Variants in PTPRD observed in about 807,000 individuals in gnomAD.
PTPRD encodes the protein receptor-type tyrosine-protein phosphatase delta.
In PTPRD, 34 loss-of-function variants were observed where a neutral mutation model predicts 214.5. The observed-to-expected ratio is 0.16, with a 90% CI of 0.12 to 0.21. The LOEUF is 0.21. PTPRD is among the 10% of genes least tolerant of loss of function. PTPRD has a pLI of 1.00. For missense variants in PTPRD, 2,545 were observed against 2,398.7 expected (o/e 1.06, Z -1.27); for synonymous variants, 1,128 against 845.7 (o/e 1.33, Z -5.79).
chr9:9,383,954 T>C (rs2063085024), intron 9 of PTPRD, among the ~76,000 whole-genome samples: 1 of 152,000 alleles, frequency 6.6e-6, no homozygotes. Flanking sequence ...TATCTAACCC[T>C]GCTCAGTATA....
intron 3 of PTPRD, among the ~76,000 whole-genome samples, chr9:10,169,672 C>A (rs2099188327): frequency 6.6e-6 from 1 of 151,864 alleles, no homozygotes. Flanking sequence ...GCTTTTTGAC[C>A]AACTTCTACA....
intron 14 of PTPRD, among the ~76,000 whole-genome samples, chr9:8,587,552 A>G (rs1322065555): frequency 6.6e-6 from 1 of 152,240 alleles, no homozygotes; most frequent in African/African-American, 2.4e-5. Context: ...AACCTTCTAT[A>G]TAATATTCCT....
intron 9 of PTPRD, among the ~76,000 whole-genome samples, chr9:9,262,012 C>T (rs947123555): frequency 1.3e-5 from 2 of 151,606 alleles, no homozygotes; most frequent in Non-Finnish European, 2.9e-5. Flanking sequence ...GATTATAGAA[C>T]TCTACAAAGC....
chr9:8,350,354 A>G (rs1243525640), intron 39 of PTPRD, among the ~76,000 whole-genome samples: 8 of 152,188 alleles, frequency 5.3e-5, no homozygotes, highest in Non-Finnish European at 1.2e-4. Flanking sequence ...GGGTGCCAAG[A>G]CAGTAAAATA....
intron 9 of PTPRD, among the ~76,000 whole-genome samples, chr9:9,362,739 C>T (rs1196385984): frequency 1.3e-5 from 2 of 151,188 alleles, no homozygotes; most frequent in East Asian, 1.9e-4. Context: ...CTTTTGAAGT[C>T]TATTAACTAG....
intron 5 of PTPRD, among the ~76,000 whole-genome samples, chr9:9,914,711 C>T (rs2080200234): frequency 6.7e-6 from 1 of 150,130 alleles, no homozygotes; most frequent in African/African-American, 2.5e-5. Context: ...GAAAAACATC[C>T]CCATACATAA....
At chr9:9,343,433 G>C (rs145281568) in intron 9 of PTPRD, among the ~76,000 whole-genome samples, 1 of 152,050 alleles carries the variant, frequency 6.6e-6, no homozygotes, top group African/African-American at 2.4e-5. Context: ...GGTGTGAGTG[G>C]TATCTCACTG....
At chr9:10,368,405 T>C (rs1043595619) in intron 2 of PTPRD, among the ~76,000 whole-genome samples, 1 of 152,134 alleles carries the variant, frequency 6.6e-6, no homozygotes, top group African/African-American at 2.4e-5. Flanking sequence ...TCTATTTTTG[T>C]TCTAAGTTCA....
chr9:9,321,598 C>A (rs2382001), intron 9 of PTPRD, among the ~76,000 whole-genome samples: 1 of 150,974 alleles, frequency 6.6e-6, no homozygotes, highest in African/African-American at 2.4e-5. Flanking sequence ...GCCATGTATG[C>A]ATATCTGATT....
chr9:8,583,974 A>G (rs2093415676), intron 14 of PTPRD, among the ~76,000 whole-genome samples: 1 of 152,124 alleles, frequency 6.6e-6, no homozygotes, highest in Non-Finnish European at 1.5e-5. Flanking sequence ...CAACATCACA[A>G]AACCCCATCT....
chr9:9,726,233 C>T (rs4490896), intron 7 of PTPRD, among the ~76,000 whole-genome samples: 6,074 of 152,192 alleles, frequency 0.04, 717 homozygotes, highest in East Asian at 0.4. Flanking sequence ...AAAAACTTCA[C>T]TATCGGATAT....
intron 35 of PTPRD, among the ~76,000 whole-genome samples, chr9:8,417,231 A>C (rs1225206860): frequency 6.6e-6 from 1 of 152,160 alleles, no homozygotes; most frequent in African/African-American, 2.4e-5. Flanking sequence ...TGGGAAGTTA[A>C]GTATAATCTT....
chr9:9,555,467 A>T (rs182222951), intron 8 of PTPRD, among the ~76,000 whole-genome samples: 1 of 152,084 alleles, frequency 6.6e-6, no homozygotes, highest in Non-Finnish European at 1.5e-5. Context: ...TTATCGTATT[A>T]TAGTTTCATC....
chr9:9,166,054 T>C (rs1426745164), intron 10 of PTPRD, among the ~76,000 whole-genome samples: 1 of 152,126 alleles, frequency 6.6e-6, no homozygotes, highest in Non-Finnish European at 1.5e-5. Context: ...TAAAAAAACC[T>C]GTGGTGACTT....
chr9:8,874,067 A>C (rs1192908515), intron 11 of PTPRD, among the ~76,000 whole-genome samples: 3 of 152,200 alleles, frequency 2.0e-5, no homozygotes, highest in Non-Finnish European at 2.9e-5. Flanking sequence ...GTAAAAATTT[A>C]ATAAAACAAT....
At chr9:8,324,105 T>TC (rs542480840) in intron 44 of PTPRD, among the ~76,000 whole-genome samples, 200 of 151,852 alleles carry the variant, frequency 1.3e-3, no homozygotes, top group African/African-American at 4.7e-3. Context: ...ATTAGCATTT[T>TC]TTTTTTTTTT....
chr9:10,380,704 T>C (rs1266100455), intron 2 of PTPRD, among the ~76,000 whole-genome samples: 1 of 152,038 alleles, frequency 6.6e-6, no homozygotes, highest in African/African-American at 2.4e-5. Flanking sequence ...TGAAAAACGT[T>C]TGTAAATTGA....
chr9:9,611,426 T>C, intron 7 of PTPRD, among the ~76,000 whole-genome samples: 1 of 152,182 alleles, frequency 6.6e-6, no homozygotes, highest in Admixed American at 6.5e-5. Flanking sequence ...TTTTGATTCG[T>C]AATTATTTAA....
intron 10 of PTPRD, among the ~76,000 whole-genome samples, chr9:9,142,439 G>C (rs1267998764): frequency 6.6e-6 from 1 of 152,224 alleles, no homozygotes; most frequent in Non-Finnish European, 1.5e-5. Context: ...CTAATGCAAT[G>C]ACGGGTAAGT....
Sources: gnomAD v4.1 joint callset for allele counts (sites outside exome capture counted in the v4.1 genomes callset) on GRCh38, gnomAD v4.1.1 for gene constraint, MANE v1.5 for transcripts, NCBI Gene and HGNC (gene_info 2026-07-23, HGNC 2026-07-21) for gene names.